LANCL3: variants seen among roughly 807,000 people sequenced by gnomAD.
The protein encoded by LANCL3 is lanC-like protein 3.
LANCL3 carries 19 observed loss-of-function variants against 26.5 expected under a neutral mutation model. The ratio of observed to expected loss-of-function variants is 0.72; its 90% CI spans 0.50 to 1.05. The LOEUF is 1.05. Among genes scored for constraint, LANCL3 ranks in the 50% least tolerant of loss-of-function variants. The pLI, the probability that LANCL3 is intolerant of heterozygous loss-of-function variation, is 0.00. For missense variants in LANCL3, 318 were observed against 362.7 expected (o/e 0.88, Z 1.00); for synonymous variants, 160 against 166.6 (o/e 0.96, Z 0.30).
At chrX:37,652,551 G>GA (rs1403868673) in intron 1 of LANCL3, among the ~76,000 whole-genome samples, 2 of 112,441 alleles carry the variant, frequency 1.8e-5, no homozygotes, top group Admixed American at 1.9e-4. Flanking sequence ...AATGTAAAAA[G>GA]AAAAGAATCT....
chrX:37,580,473 C>A (rs1243913284), intron 1 of LANCL3, among the ~76,000 whole-genome samples: 1 of 111,643 alleles, frequency 9.0e-6, no homozygotes, highest in Admixed American at 9.5e-5. Context: ...TGTTTTGATA[C>A]ATGTGTACAT....
At chrX:37,598,473 A>G (rs1319632326) in intron 1 of LANCL3, among the ~76,000 whole-genome samples, 1 of 112,077 alleles carries the variant, frequency 8.9e-6, no homozygotes, top group Non-Finnish European at 1.9e-5. Context: ...AGTCAATTAT[A>G]GTAATCTGTC....
intron 1 of LANCL3, among the ~76,000 whole-genome samples, chrX:37,594,127 A>G (rs1169734835): frequency 2.7e-5 from 3 of 111,664 alleles, no homozygotes; most frequent in African/African-American, 6.5e-5. Flanking sequence ...AAGTGAAAAG[A>G]TAGATGATTA....
At chrX:37,578,484 C>A (rs1556416656) in intron 1 of LANCL3, among the ~76,000 whole-genome samples, 1 of 111,893 alleles carries the variant, frequency 8.9e-6, no homozygotes, top group Admixed American at 9.5e-5. Flanking sequence ...CTCCATGTGT[C>A]ATGACACCTG....
chrX:37,631,326 T>A (rs897713886), intron 1 of LANCL3, among the ~76,000 whole-genome samples: 15 of 111,878 alleles, frequency 1.3e-4, no homozygotes, highest in African/African-American at 4.9e-4. Context: ...GTTGTGTCTA[T>A]TTGATTCTTC....
At position 37,596,692 on chromosome X, in the gene LANCL3, T is replaced by A. The variant is rs1211730500; in HGVS notation, c.573+24249T>A. On this transcript the variant is annotated intron_variant, in intron 1 of 4. Coordinates refer to ENST00000378619, the MANE Select transcript of LANCL3 (RefSeq NM_001170331.2). ...TCATTTGGTGTGTCTTGTGTATATT[T>A]CATTTAAAATATCCTACTTGTTATA... 3.6e-5 allele frequency among the ~76,000 whole-genome samples: 4 copies of A among 112,247 alleles called. No homozygotes were observed. In the East Asian group the frequency reaches 8.3e-4, roughly 23 times the overall value.
intron 1 of LANCL3, among the ~76,000 whole-genome samples, chrX:37,635,257 C>T (rs910152403): frequency 5.4e-5 from 6 of 112,044 alleles, no homozygotes; most frequent in Non-Finnish European, 1.1e-4. Flanking sequence ...ATATAGTTTC[C>T]ACTTGCAGAC....
At chrX:37,656,249 A>AAAC (rs1484394113) in intron 2 of LANCL3, among the ~76,000 whole-genome samples, 4 of 105,479 alleles carry the variant, frequency 3.8e-5, no homozygotes, top group African/African-American at 1.4e-4. Context: ...GGGCCATGCA[A>AAAC]AAAAAAAAAA....
At chrX:37,605,765 G>A (rs1426889534) in intron 1 of LANCL3, among the ~76,000 whole-genome samples, 1 of 111,336 alleles carries the variant, frequency 9.0e-6, no homozygotes, top group African/African-American at 3.3e-5. Flanking sequence ...CCTTTTTGAC[G>A]AGACCTACAT....
intron 1 of LANCL3, among the ~76,000 whole-genome samples, chrX:37,587,526 C>G (rs781870592): frequency 8.9e-6 from 1 of 112,732 alleles, no homozygotes; most frequent in African/African-American, 3.2e-5. Flanking sequence ...TTGCTGCTGC[C>G]GTGCAGTTCG....
chrX:37,602,075 G>T (rs1192754384), intron 1 of LANCL3, among the ~76,000 whole-genome samples: 1 of 111,694 alleles, frequency 9.0e-6, no homozygotes, highest in South Asian at 3.8e-4. Flanking sequence ...ATTGGGGCAG[G>T]TTGGGAGTTT....
intron 1 of LANCL3, among the ~76,000 whole-genome samples, chrX:37,636,660 G>A (rs1227462565): frequency 9.0e-6 from 1 of 111,540 alleles, no homozygotes; most frequent in African/African-American, 3.3e-5. Context: ...TGCTAATCTA[G>A]ACAATTCTTA....
At position 37,679,775 on chromosome X, in the gene LANCL3, A is replaced by C. The variant is rs1007693169; in HGVS notation, c.*3962A>C. The C allele has an allele frequency of 9.9e-5, 11 of 111,348 alleles. No individual in the cohort carries two copies. Among genetic ancestry groups the C allele is most frequent in the Admixed American group, 6.7e-4 (7 of 10,475 alleles). The allele number at this position is 111,348 out of a possible 1,213,427, so 9.2% of individuals were successfully genotyped here. ...TTGGTATAAATTTGGCAAGGAAAGCAAATGAGAAGGCAGGCAAAGGGGTGG... is the reference window on the plus strand; with the variant it reads ...TTGGTATAAATTTGGCAAGGAAAGCCAATGAGAAGGCAGGCAAAGGGGTGG... On this transcript the variant is annotated 3_prime_UTR_variant, in exon 5 of 5. Transcript: ENST00000378619.
chrX:37,664,567 C>T (rs1313644298), intron 3 of LANCL3, among the ~76,000 whole-genome samples: 1 of 110,083 alleles, frequency 9.1e-6, no homozygotes, highest in African/African-American at 3.3e-5. Flanking sequence ...TTTTTATTTT[C>T]TCCACTTTTA....
intron 1 of LANCL3, among the ~76,000 whole-genome samples, chrX:37,608,170 G>C (rs987754699): frequency 2.7e-5 from 3 of 112,151 alleles, no homozygotes; most frequent in Non-Finnish European, 5.6e-5. Flanking sequence ...AAAGTCCAGA[G>C]AGAGGGGCAT....
At position 37,606,908 on chromosome X, in the gene LANCL3, G is replaced by A. The variant is rs112712091; in HGVS notation, c.573+34465G>A. The stretch of plus-strand genomic sequence containing the variant: ...CCCTTAAGAGCCCATTTGCTTAGAT[G>A]CAACATGTTCAGAATAACCTAGTTA... On this transcript the variant is annotated intron_variant, in intron 1 of 4. Transcript: ENST00000378619. Among the ~76,000 whole-genome samples, 722 of 112,537 alleles carry A rather than the reference G, an allele frequency of 6.4e-3. 5 individuals are homozygous for A. Among genetic ancestry groups the A allele is most frequent in the African/African-American group, 0.022 (690 of 31,065 alleles).
intron 1 of LANCL3, among the ~76,000 whole-genome samples, chrX:37,630,511 G>A (rs1172231315): frequency 1.7e-3 from 177 of 106,215 alleles, no homozygotes; most frequent in Non-Finnish European, 2.7e-3. Context: ...GTGAGAGAGG[G>A]CATCCCTGTC....
At chrX:37,581,222 T>C (rs1224775822) in intron 1 of LANCL3, among the ~76,000 whole-genome samples, 1 of 112,355 alleles carries the variant, frequency 8.9e-6, no homozygotes, top group African/African-American at 3.2e-5. Flanking sequence ...CATCATTTTT[T>C]CTTGTACTGA....
intron 1 of LANCL3, among the ~76,000 whole-genome samples, chrX:37,593,950 A>C (rs1448916625): frequency 8.9e-6 from 1 of 112,130 alleles, no homozygotes; most frequent in Non-Finnish European, 1.9e-5. Flanking sequence ...TTATTAGTAG[A>C]ATAAAGAGTT....
Sources: allele counts gnomAD v4.1 joint callset (sites outside exome capture counted in the v4.1 genomes callset), GRCh38; gene constraint gnomAD v4.1.1; transcripts MANE v1.5; gene names NCBI Gene and HGNC (gene_info 2026-07-23, HGNC 2026-07-21).